The following CNTN4 variants were observed in gnomAD, a reference collection of about 807,000 sequenced individuals.
The protein encoded by CNTN4 is contactin 4.
CNTN4 carries 77 observed loss-of-function variants against 122.5 expected under a neutral mutation model. That is an observed-to-expected ratio of 0.63 (90% confidence interval 0.52 to 0.76). The LOEUF (loss-of-function observed/expected upper bound fraction) is 0.76. Among genes scored for constraint, CNTN4 ranks in the 30% least tolerant of loss-of-function variants. The probability of loss-of-function intolerance (pLI) is 0.00; values close to 1 mark genes in which losing one functional copy is unlikely to be tolerated. For synonymous variants in CNTN4, 512 were observed against 447.0 expected (o/e 1.15, Z -1.83); for missense variants, 1,256 against 1,259.1 (o/e 1.00, Z 0.04).
chr3:3,013,552 C>T (rs1339405090), intron 14 of CNTN4, among the ~76,000 whole-genome samples: 2 of 152,054 alleles, frequency 1.3e-5, no homozygotes, highest in African/African-American at 4.8e-5. Flanking sequence ...ATCCTATTGA[C>T]CGCCAGGGTG....
At chr3:2,630,591 A>G (rs1191036780) in intron 4 of CNTN4, among the ~76,000 whole-genome samples, 1 of 152,218 alleles carries the variant, frequency 6.6e-6, no homozygotes, top group Non-Finnish European at 1.5e-5. Context: ...TACACGAATC[A>G]TAAATAATAC....
At position 2,786,532 on chromosome 3, in the gene CNTN4, A is replaced by G. The variant is rs80047028; in HGVS notation, c.359-32954A>G. On this transcript the variant is annotated intron_variant, in intron 6 of 24. Transcript: ENST00000418658. ...CTTCACAAGTCCTGTGAAGGGATCA[A>G]GGGAACTGCCCCATTTCAATTTGAG... 3.5e-4 allele frequency among the ~76,000 whole-genome samples: 53 copies of G among 152,338 alleles called. No homozygotes were observed. In the East Asian group the frequency reaches 0.01, roughly 29 times the overall value.
At chr3:2,275,094 T>C (rs1269608262) in intron 2 of CNTN4, among the ~76,000 whole-genome samples, 1 of 152,204 alleles carries the variant, frequency 6.6e-6, no homozygotes, top group Non-Finnish European at 1.5e-5. Flanking sequence ...GTAAGAGAGA[T>C]GTCTAAACAT....
At chr3:2,526,986 C>T (rs1227748251) in intron 3 of CNTN4, among the ~76,000 whole-genome samples, 4 of 152,122 alleles carry the variant, frequency 2.6e-5, no homozygotes, top group Non-Finnish European at 4.4e-5. Flanking sequence ...CAGACACATA[C>T]CATTAACCTC....
intron 4 of CNTN4, among the ~76,000 whole-genome samples, chr3:2,705,737 GATAT>G (rs1190106893): frequency 5.7e-5 from 5 of 87,244 alleles, no homozygotes; most frequent in Non-Finnish European, 7.8e-5. Context: ...AAATATATAT[GATAT>G]ATATGATATA....
chr3:2,246,937 T>C (rs1351450754), intron 2 of CNTN4, among the ~76,000 whole-genome samples: 1 of 151,978 alleles, frequency 6.6e-6, no homozygotes, highest in East Asian at 1.9e-4. Context: ...GTTGAGTAAG[T>C]AGTGCAAACA....
At chr3:2,942,613 A>C (rs1048709027) in intron 13 of CNTN4, among the ~76,000 whole-genome samples, 1 of 152,196 alleles carries the variant, frequency 6.6e-6, no homozygotes, top group African/African-American at 2.4e-5. Flanking sequence ...AGAGCTTTTT[A>C]ATGGTGAAGC....
At chr3:2,125,171 A>C (rs537008683) in intron 2 of CNTN4, among the ~76,000 whole-genome samples, 1 of 152,126 alleles carries the variant, frequency 6.6e-6, no homozygotes, top group African/African-American at 2.4e-5. Context: ...TGTTTCTATG[A>C]GTTTGACTAT....
intron 7 of CNTN4, among the ~76,000 whole-genome samples, chr3:2,857,998 G>T (rs192759151): frequency 1.3e-3 from 199 of 152,280 alleles, no homozygotes; most frequent in African/African-American, 4.3e-3. Flanking sequence ...TAAAGCAGGG[G>T]CTACAACCTA....
intron 3 of CNTN4, among the ~76,000 whole-genome samples, chr3:2,459,440 A>G (rs1464517443): frequency 6.6e-6 from 1 of 152,102 alleles, no homozygotes; most frequent in Non-Finnish European, 1.5e-5. Flanking sequence ...TGCTTTTCCC[A>G]TGGCATTTTC....
chr3:2,137,929 C>T (rs1460761039), intron 2 of CNTN4, among the ~76,000 whole-genome samples: 2 of 152,162 alleles, frequency 1.3e-5, no homozygotes, highest in Admixed American at 6.5e-5. Context: ...GAATTCAGAG[C>T]CCTGGGGACA....
intron 4 of CNTN4, among the ~76,000 whole-genome samples, chr3:2,619,358 G>A (rs1389266974): frequency 6.6e-6 from 1 of 152,176 alleles, no homozygotes; most frequent in Non-Finnish European, 1.5e-5. Flanking sequence ...AATAGACATT[G>A]ACTGAAAGGC....
At chr3:3,004,471 C>G (rs1328652227) in intron 14 of CNTN4, among the ~76,000 whole-genome samples, 1 of 152,182 alleles carries the variant, frequency 6.6e-6, no homozygotes, top group Non-Finnish European at 1.5e-5. Context: ...AGTTACTGGA[C>G]AGAGAAGGTC....
intron 3 of CNTN4, among the ~76,000 whole-genome samples, chr3:2,384,628 G>A (rs751347917): frequency 6.6e-6 from 1 of 152,098 alleles, no homozygotes; most frequent in Non-Finnish European, 1.5e-5. Context: ...TACTCCCTTT[G>A]TGGAAATCTC....
At chr3:3,036,876 C>T (rs1273277259) in intron 17 of CNTN4, among the ~76,000 whole-genome samples, 4 of 152,046 alleles carry the variant, frequency 2.6e-5, no homozygotes, top group Admixed American at 1.3e-4. Flanking sequence ...ACAATAAATG[C>T]GGAAACACAT....
At chr3:2,634,190 TTATATG>T (rs1208005776) in intron 4 of CNTN4, among the ~76,000 whole-genome samples, 2 of 152,234 alleles carry the variant, frequency 1.3e-5, no homozygotes, top group Non-Finnish European at 2.9e-5. Flanking sequence ...ATGTATTAGC[TTATATG>T]TATAAATATC....
intron 13 of CNTN4, among the ~76,000 whole-genome samples, chr3:2,934,470 G>A (rs2094550935): frequency 6.6e-6 from 1 of 152,206 alleles, no homozygotes; most frequent in Admixed American, 6.5e-5. Context: ...GCACAACTCT[G>A]TGTTGCACAC....
intron 3 of CNTN4, among the ~76,000 whole-genome samples, chr3:2,340,710 T>TATATATATATATATAGAGAGAGAG: frequency 7.6e-4 from 14 of 18,304 alleles, no homozygotes; most frequent in East Asian, 5.0e-3. Context: ...TATATATATA[T>TATATATATATATATAGAGAGAGAG]AGAGAGAGAG....
chr3:2,835,604 A>G (rs1288634820), intron 7 of CNTN4, among the ~76,000 whole-genome samples: 2 of 152,190 alleles, frequency 1.3e-5, no homozygotes, highest in Admixed American at 1.3e-4. Flanking sequence ...AATTTTATAC[A>G]ACACCACAAA....
Sources: gnomAD v4.1 joint callset for allele counts (sites outside exome capture counted in the v4.1 genomes callset) on GRCh38, gnomAD v4.1.1 for gene constraint, MANE v1.5 for transcripts, NCBI Gene and HGNC (gene_info 2026-07-23, HGNC 2026-07-21) for gene names.